Variants in ANAPC10 observed in about 807,000 individuals in gnomAD.
The protein encoded by ANAPC10 is anaphase promoting complex subunit 10, also known as anaphase-promoting complex subunit 10.
Under a neutral mutation model 22.0 loss-of-function variants are expected in ANAPC10, and 12 were observed. The ratio of observed to expected loss-of-function variants is 0.55; its 90% confidence interval spans 0.35 to 0.88. ANAPC10 has a LOEUF of 0.88. Ranked by LOEUF, ANAPC10 falls within the 40% of genes least tolerant of loss-of-function variation. The pLI, the probability that ANAPC10 is intolerant of heterozygous loss-of-function variation, is 0.01. For missense variants in ANAPC10, 188 were observed against 220.9 expected (o/e 0.85, Z 0.94); for synonymous variants, 65 against 69.5 (o/e 0.94, Z 0.32).
chr4:145,010,652 A>G (rs1249249438), intron 4 of ANAPC10, among the ~76,000 whole-genome samples: 3 of 152,018 alleles, frequency 2.0e-5, no homozygotes, highest in Admixed American at 2.0e-4. Context: ...GGTGGGGAAC[A>G]TCGCACCCTG....
chr4:145,061,860 C>A (rs755041919), intron 4 of ANAPC10, among the ~76,000 whole-genome samples: 6 of 152,064 alleles, frequency 3.9e-5, no homozygotes, highest in African/African-American at 7.2e-5. Context: ...GTAATCTCAG[C>A]ACTTTGGGAG....
chr4:145,085,434 T>A (rs1228096073), intron 2 of ANAPC10, among the ~76,000 whole-genome samples: 1 of 152,148 alleles, frequency 6.6e-6, no homozygotes, highest in Non-Finnish European at 1.5e-5. Flanking sequence ...AGGTTTTTTT[T>A]TTCAGTTATT....
chr4:145,054,904 C>T (rs542850346), intron 4 of ANAPC10, among the ~76,000 whole-genome samples: 1 of 152,224 alleles, frequency 6.6e-6, no homozygotes, highest in Admixed American at 6.5e-5. Context: ...TATAGTTGTA[C>T]TCTTCTACTT....
chr4:145,075,496 C>A (rs183853612), intron 3 of ANAPC10, among the ~76,000 whole-genome samples: 322 of 151,804 alleles, frequency 2.1e-3, no homozygotes, highest in Admixed American at 3.5e-3. Flanking sequence ...ACCAGACCAT[C>A]AAGAAGACAA....
At chr4:145,073,545 G>GTA (rs529492957) in intron 3 of ANAPC10, among the ~76,000 whole-genome samples, 2 of 152,206 alleles carry the variant, frequency 1.3e-5, no homozygotes, top group Non-Finnish European at 1.5e-5. Flanking sequence ...TGGTATTAAA[G>GTA]TATATATAGG....
chr4:145,050,141 T>A (rs1415611709), intron 4 of ANAPC10, among the ~76,000 whole-genome samples: 2 of 152,242 alleles, frequency 1.3e-5, no homozygotes, highest in African/African-American at 2.4e-5. Context: ...TAAAGAAATG[T>A]ATAAGACTTG....
At chr4:144,997,534 T>C (rs954626544) in intron 4 of ANAPC10, among the ~76,000 whole-genome samples, 7 of 151,882 alleles carry the variant, frequency 4.6e-5, no homozygotes, top group African/African-American at 1.7e-4. Context: ...GACAAGCAAA[T>C]GCTGAGTTCA....
intron 2 of ANAPC10, among the ~76,000 whole-genome samples, chr4:145,083,341 C>A (rs539337878): frequency 6.6e-5 from 10 of 152,264 alleles, no homozygotes; most frequent in African/African-American, 2.4e-4. Flanking sequence ...CACACCTCTG[C>A]AGAACATTTA....
rs139647434 is a variant in ANAPC10, at chr4:145,036,322, C to G, written c.327+28250G>C. 7.9e-4 allele frequency among the ~76,000 whole-genome samples: 120 copies of G among 152,234 alleles called. 1 individual carries two copies. Among genetic ancestry groups the G allele is most frequent in the African/African-American group, 2.7e-3 (111 of 41,528 alleles). ...TCACAGCTTTAAATATAGATACGTACACGTTATTTAGAATTGTACACATCT... is the reference window on the plus strand; with the variant it reads ...TCACAGCTTTAAATATAGATACGTAGACGTTATTTAGAATTGTACACATCT... On this transcript the variant is annotated intron_variant, in intron 4 of 4. Transcript: ENST00000507656.
chr4:145,089,742 T>C (rs1345955496), intron 2 of ANAPC10, among the ~76,000 whole-genome samples: 7 of 152,172 alleles, frequency 4.6e-5, no homozygotes, highest in Admixed American at 4.6e-4. Context: ...TAAATCTGTA[T>C]CTCCCAAAGA....
chr4:145,042,918 A>T (rs934502166), intron 4 of ANAPC10, among the ~76,000 whole-genome samples: 2 of 146,024 alleles, frequency 1.4e-5, no homozygotes, highest in East Asian at 2.0e-4. Context: ...AAAATTGTCT[A>T]AAAAAAAAAC....
chr4:145,087,623 T>C (rs1212264827), intron 2 of ANAPC10, among the ~76,000 whole-genome samples: 1 of 152,230 alleles, frequency 6.6e-6, no homozygotes, highest in Non-Finnish European at 1.5e-5. Context: ...TCAGTAACAG[T>C]AGTAACATTT....
intron 2 of ANAPC10, among the ~76,000 whole-genome samples, chr4:145,082,156 T>C (rs770135553): frequency 1.5e-4 from 23 of 152,166 alleles, no homozygotes; most frequent in Non-Finnish European, 2.4e-4. Flanking sequence ...TAGGAGATAT[T>C]ATATTTTTTT....
chr4:145,004,449 G>C (rs143197390), intron 4 of ANAPC10, among the ~76,000 whole-genome samples: 1 of 152,136 alleles, frequency 6.6e-6, no homozygotes, highest in East Asian at 1.9e-4. Flanking sequence ...TCCAGCTTTT[G>C]CCCATTCAGT....
At chr4:144,996,460 T>C (rs949767700) in intron 4 of ANAPC10, among the ~76,000 whole-genome samples, 1 of 152,124 alleles carries the variant, frequency 6.6e-6, no homozygotes, top group African/African-American at 2.4e-5. Flanking sequence ...GGCGCTCCCA[T>C]GCACCCCTGG....
At chr4:145,065,396 T>C (rs1005859801) in intron 3 of ANAPC10, among the ~76,000 whole-genome samples, 31 of 152,132 alleles carry the variant, frequency 2.0e-4, no homozygotes, top group African/African-American at 7.0e-4. Flanking sequence ...TATCATCATA[T>C]TGGAAAATAT....
chr4:145,088,632 A>G (rs2126636380), intron 2 of ANAPC10, among the ~76,000 whole-genome samples: 1 of 152,180 alleles, frequency 6.6e-6, no homozygotes, highest in Admixed American at 6.5e-5. Flanking sequence ...CCTAGTCCAA[A>G]TCAACATCAT....
intron 3 of ANAPC10, among the ~76,000 whole-genome samples, chr4:145,069,577 C>G (rs889078429): frequency 6.6e-6 from 1 of 152,132 alleles, no homozygotes; most frequent in Non-Finnish European, 1.5e-5. Context: ...CTAAGACATT[C>G]GTTTGAGATC....
At chr4:145,023,575 C>T (rs937981111) in intron 4 of ANAPC10, among the ~76,000 whole-genome samples, 1 of 152,162 alleles carries the variant, frequency 6.6e-6, no homozygotes, top group East Asian at 1.9e-4. Context: ...GCAAGTCACA[C>T]AAATTTTTTG....
Sources: allele counts gnomAD v4.1 joint callset (sites outside exome capture counted in the v4.1 genomes callset), GRCh38; gene constraint gnomAD v4.1.1; transcripts MANE v1.5; gene names NCBI Gene and HGNC (gene_info 2026-07-23, HGNC 2026-07-21).